ARSG: variants seen among roughly 807,000 people sequenced by gnomAD.
The protein encoded by ARSG is arylsulfatase G, also known as ASG.
ARSG carries 37 observed loss-of-function variants against 50.5 expected under a neutral mutation model. That is an observed-to-expected ratio of 0.73 (90% confidence interval 0.56 to 0.96). ARSG has a LOEUF of 0.96. ARSG is among the 50% of genes least tolerant of loss of function. The probability of loss-of-function intolerance (pLI) is 0.00; values close to 1 mark genes in which losing one functional copy is unlikely to be tolerated. For synonymous variants in ARSG, 225 were observed against 254.6 expected, an observed-to-expected ratio of 0.88 and a Z score of 1.11; for missense variants, 629 against 675.3, an observed-to-expected ratio of 0.93 and a Z score of 0.76.
At chr17:68,309,572 ATAAG>A (rs1555765897) in intron 2 of ARSG, among the ~76,000 whole-genome samples, 1 of 152,242 alleles carries the variant, frequency 6.6e-6, no homozygotes, top group Non-Finnish European at 1.5e-5. Flanking sequence ...CTCTTAAAAA[ATAAG>A]TAAATAGGCT....
chr17:68,450,945 G>A, the ARSG span: 6 of 1,575,460 alleles, frequency 3.8e-6, no homozygotes, highest in Non-Finnish European at 5.2e-6. Context: ...TCACTTCCAA[G>A]AAGGATTCCA....
the ARSG span, chr17:68,430,214 C>A: frequency 6.5e-6 from 10 of 1,545,286 alleles, no homozygotes; most frequent in Non-Finnish European, 8.7e-6. Flanking sequence ...CCCACACGCA[C>A]CCAGGAATCT....
chr17:68,428,573 G>C, the ARSG span: 1 of 403,262 alleles, frequency 2.5e-6, no homozygotes, highest in East Asian at 5.2e-5. Context: ...GCTCAGGGCT[G>C]TGTTAGGAGC....
intron 1 of ARSG, among the ~76,000 whole-genome samples, chr17:68,305,792 G>A (rs1011089351): frequency 5.9e-5 from 9 of 151,898 alleles, no homozygotes; most frequent in Admixed American, 5.2e-4. Context: ...TTTTGGCTGG[G>A]CCTGGGTGTG....
At chr17:68,446,014 G>C in the ARSG span, among the ~76,000 whole-genome samples, 2 of 152,146 alleles carry the variant, frequency 1.3e-5, no homozygotes, top group African/African-American at 2.4e-5. Flanking sequence ...TTTTATTCCA[G>C]GGAACATCAG....
At chr17:68,283,849 G>A in intron 1 of ARSG, among the ~76,000 whole-genome samples, 1 of 141,434 alleles carries the variant, frequency 7.1e-6, no homozygotes, top group South Asian at 2.2e-4. Flanking sequence ...TTGCACTCCA[G>A]CCTGGGCAAA....
chr17:68,343,969 C>T (rs994253085), intron 3 of ARSG, among the ~76,000 whole-genome samples, 178 bp downstream of exon 3: 4 of 152,222 alleles, frequency 2.6e-5, no homozygotes, highest in Admixed American at 2.0e-4. Context: ...ATACATGGAG[C>T]TATTTTCCTC....
At chr17:68,311,753 A>G (rs1244746931) in intron 2 of ARSG, among the ~76,000 whole-genome samples, 1 of 150,762 alleles carries the variant, frequency 6.6e-6, no homozygotes, top group Non-Finnish European at 1.5e-5. Context: ...AGAAGGTACC[A>G]GCCCGGCCGA....
At chr17:68,376,862 CTTT>C (rs10642908) in intron 8 of ARSG, among the ~76,000 whole-genome samples, 2 of 142,132 alleles carry the variant, frequency 1.4e-5, no homozygotes, top group Non-Finnish European at 1.5e-5. Context: ...CCTCAGTCAT[CTTT>C]TTTTTTTTTT....
At chr17:68,309,744 A>G (rs901855818) in intron 2 of ARSG, among the ~76,000 whole-genome samples, 2 of 151,814 alleles carry the variant, frequency 1.3e-5, no homozygotes, top group Non-Finnish European at 2.9e-5. Flanking sequence ...CTGTGACCCC[A>G]GCTACTCGGG....
chr17:68,370,407 C>G, intron 7 of ARSG, 37 bp from the exon 8 acceptor site: 1 of 1,606,374 alleles, frequency 6.2e-7, no homozygotes, highest in Non-Finnish European at 8.5e-7. Context: ...AGTGTCCAAC[C>G]AGCCTGGTGA....
intron 10 of ARSG, among the ~76,000 whole-genome samples, chr17:68,396,260 GC>G (rs2081244540): frequency 2.0e-5 from 3 of 152,186 alleles, no homozygotes; most frequent in Admixed American, 1.3e-4. Context: ...CAAGTGATCA[GC>G]CCGCCTTGGT....
chr17:68,412,284 C>G (rs1266409030), intron 11 of ARSG, among the ~76,000 whole-genome samples: 1 of 152,110 alleles, frequency 6.6e-6, no homozygotes, highest in Admixed American at 6.5e-5. Flanking sequence ...ATGTTTAGTG[C>G]TTCCTTCAGG....
At position 68,379,421 on chromosome 17, in the gene ARSG, A is replaced by ATTTTTTT. The variant is rs375841879; in HGVS notation, c.983-5620_983-5614dup. Among the ~76,000 whole-genome samples, 101 of 72,266 alleles carry ATTTTTTT rather than the reference A, an allele frequency of 1.4e-3. 6 individuals are homozygous for ATTTTTTT. The highest frequency in any genetic ancestry group is 5.7e-3 in the African/African-American group (91 of 15,828). 47.4% of individuals were successfully genotyped at this position (72,266 alleles called of 152,430 possible). On this transcript the variant is annotated intron_variant, in intron 8 of 11. Coordinates refer to ENST00000621439, the MANE Select transcript of ARSG (RefSeq NM_001267727.2). ...GTGCCACCATGCCTGGAACACTACAATTTTTTTTTTTTTTTTTTTTTTTTT... is the reference window on the plus strand; with the variant it reads ...GTGCCACCATGCCTGGAACACTACAATTTTTTTTTTTTTTTTTTTTTTTTTTTTTTTT...
rs781247590 is a variant in ARSG, at chr17:68,346,917, G to C, written c.407-208G>C. 1.7e-5 allele frequency: 25 copies of C among 1,490,600 alleles called. 1 individual carries two copies. The South Asian group carries it at 2.9e-4, about 17-fold the overall frequency. 92.3% of individuals were successfully genotyped at this position (1,490,600 alleles called of 1,614,324 possible). On this transcript the variant is annotated intron_variant, in intron 3 of 11. Transcript: ENST00000621439. Reference sequence around the variant, plus strand: ...CCTTTCACTGTGGTTTCCCGTGTGAGTCTGGGGTCATCCTTTATGTGTCCC... The same window carrying C: ...CCTTTCACTGTGGTTTCCCGTGTGACTCTGGGGTCATCCTTTATGTGTCCC...
intron 6 of ARSG, among the ~76,000 whole-genome samples, chr17:68,362,775 C>T (rs555233244): frequency 5.9e-5 from 9 of 152,216 alleles, no homozygotes; most frequent in African/African-American, 2.2e-4. Context: ...ATTTGGGATG[C>T]GCTGCCTATA....
chr17:68,362,218 G>C (rs1171566951), intron 6 of ARSG, among the ~76,000 whole-genome samples: 1 of 151,802 alleles, frequency 6.6e-6, no homozygotes, highest in Non-Finnish European at 1.5e-5. Flanking sequence ...TGCCCCTGCT[G>C]TGGTGCTGCC....
chr17:68,352,233 A>G (rs996555983), intron 5 of ARSG, among the ~76,000 whole-genome samples: 3 of 151,940 alleles, frequency 2.0e-5, no homozygotes, highest in African/African-American at 7.3e-5. Context: ...TTCTCCCCGC[A>G]TGGACAACTA....
chr17:68,370,194 TA>T (rs1217497568), intron 7 of ARSG, among the ~76,000 whole-genome samples: 1 of 152,072 alleles, frequency 6.6e-6, no homozygotes, highest in African/African-American at 2.4e-5. Flanking sequence ...TTTGTATTTT[TA>T]GTAGAGAAGG....
Sources: gnomAD v4.1 joint callset for allele counts (sites outside exome capture counted in the v4.1 genomes callset) on GRCh38, gnomAD v4.1.1 for gene constraint, MANE v1.5 for transcripts, NCBI Gene and HGNC (gene_info 2026-07-23, HGNC 2026-07-21) for gene names.